CREB3L3: variants seen among roughly 807,000 people sequenced by gnomAD.
CREB3L3 encodes the protein cAMP responsive element binding protein 3 like 3.
Under a neutral mutation model 44.6 loss-of-function variants are expected in CREB3L3, and 40 were observed. That is an observed-to-expected ratio of 0.90 (90% confidence interval 0.70 to 1.17). The LOEUF (loss-of-function observed/expected upper bound fraction) is 1.17. Ranked by LOEUF, CREB3L3 falls within the 50% of genes most tolerant of loss-of-function variation. The pLI is 0.00. For missense variants in CREB3L3, 578 were observed against 595.8 expected (o/e 0.97, Z 0.31); for synonymous variants, 273 against 256.3 (o/e 1.06, Z -0.62).
At chr19:4,168,552 C>A in intron 6 of CREB3L3, 95 bp downstream of exon 6, 2 of 956,442 alleles carry the variant, frequency 2.1e-6, no homozygotes, top group Non-Finnish European at 3.2e-6. Context: ...TAGAGTCTGA[C>A]AAAATTGGAG....
At chr19:4,157,517 C>T (rs1210990464) in intron 3 of CREB3L3, among the ~76,000 whole-genome samples, 2 of 152,154 alleles carry the variant, frequency 1.3e-5, no homozygotes, top group Non-Finnish European at 2.9e-5. Flanking sequence ...GATCGTGAAA[C>T]AGTCCTGTCA....
rs377091018 is a variant in CREB3L3 at position 4,164,598 on chromosome 19, T to C, written c.672T>C (p.Ala224=). 1.2e-6 allele frequency: 2 copies of C among 1,614,000 alleles called. No homozygotes were observed. The highest frequency in any genetic ancestry group is 2.7e-5 in the African/African-American group (2 of 74,922). ...CCGAGGATGAGAAGAAGCTGCTGGC[T>C]AAAGAAGGCATCACCCTGCCCACTC... ...VLTEDEKKLL[A]KEGITLPTQL... Residue 224 remains alanine, a synonymous_variant, in exon 5 of 10, where the codon GCT becomes GCC. Coordinates refer to ENST00000078445, the MANE Select transcript of CREB3L3 (RefSeq NM_032607.3).
intron 5 of CREB3L3, among the ~76,000 whole-genome samples, chr19:4,167,335 CAAGA>C (rs10525113): frequency 1.7e-4 from 20 of 116,148 alleles, no homozygotes; most frequent in African/African-American, 3.4e-4. Flanking sequence ...AAGAGCGAAA[CAAGA>C]AAGAAAGAAA....
At chr19:4,164,255 G>A (rs2041697425) in intron 4 of CREB3L3, among the ~76,000 whole-genome samples, 1 of 152,004 alleles carries the variant, frequency 6.6e-6, no homozygotes, top group African/African-American at 2.4e-5. Flanking sequence ...TTACAGGCAT[G>A]AGCCACCGCA....
Position 4,159,790 on chromosome 19 carries a change from C to A in CREB3L3, c.576+8C>A, listed in dbSNP as rs760221131. On this transcript the variant is annotated splice_region_variant and intron_variant, in intron 4 of 9. Transcript: ENST00000078445. ...GGCAGCAGTGGGGACCTGGTGAGCA[C>A]CCCCACACCCTCCCATGGGGCGTTG... 1 of 1,178,910 alleles carries A rather than the reference C, an allele frequency of 8.5e-7. No homozygotes were observed. Among genetic ancestry groups the A allele is most frequent in the Non-Finnish European group, 1.3e-6 (1 of 782,520 alleles). The allele number at this position is 1,178,910 out of a possible 1,614,324, so 73.0% of individuals were successfully genotyped here. A position where few individuals can be genotyped will look rare whatever the true frequency, so the allele number is the denominator to read the frequency against.
intron 5 of CREB3L3, among the ~76,000 whole-genome samples, chr19:4,165,174 C>CTT (rs377031237): frequency 0.016 from 2,295 of 143,736 alleles, 56 homozygotes; most frequent in African/African-American, 0.055. Flanking sequence ...GTGCAGCAAA[C>CTT]TTTTTTTTTT....
intron 4 of CREB3L3, among the ~76,000 whole-genome samples, chr19:4,160,661 T>C (rs2041647676): frequency 6.6e-6 from 1 of 152,020 alleles, no homozygotes; most frequent in South Asian, 2.1e-4. Flanking sequence ...GTTCAAGTGA[T>C]TCTCCTGCCT....
At chr19:4,159,810 G>A (rs1286543400) in intron 4 of CREB3L3, 28 bp downstream of exon 4, 2 of 992,102 alleles carry the variant, frequency 2.0e-6, no homozygotes, top group African/African-American at 1.6e-5. Flanking sequence ...CTCCCATGGG[G>A]CGTTGGAGCT....
In CREB3L3 at chr19:4,171,339, A is replaced by G. The variant is rs761600620; in HGVS notation, c.976-44A>G. 85 of 1,252,782 alleles carry G rather than the reference A, an allele frequency of 6.8e-5. No individual in the cohort carries two copies. In the Middle Eastern group the frequency reaches 2.3e-3, roughly 33 times the overall value. 77.6% of individuals were successfully genotyped at this position (1,252,782 alleles called of 1,614,324 possible). On this transcript the variant is annotated intron_variant, in intron 8 of 9. Transcript: ENST00000078445. The surrounding 1 kb of genome is among the most constrained non-coding windows in gnomAD (Gnocchi z 4.9). ...CTGCCTGTGGGATGGAGATGCTTGCAGGGGAGGGGAGGGAGGGGGTGACTC... is the reference window on the plus strand; with the variant it reads ...CTGCCTGTGGGATGGAGATGCTTGCGGGGGAGGGGAGGGAGGGGGTGACTC...
Position 4,170,121 on chromosome 19 carries a change from T to C in CREB3L3, c.822-19T>C, listed in dbSNP as rs1183375086. The C allele has an allele frequency of 3.1e-6, 5 of 1,613,558 alleles. No homozygotes were observed. The highest frequency in any genetic ancestry group is 2.7e-5 in the African/African-American group (2 of 74,920). On this transcript the variant is annotated intron_variant, in intron 6 of 9. Transcript: ENST00000078445. The stretch of plus-strand genomic sequence containing the variant: ...GTGACTGGCATATGCTGAATGTCGA[T>C]GCGTCTTCCTCCTTTCAGGATGTCA...
chr19:4,167,448 AG>A (rs1966936520), intron 5 of CREB3L3, among the ~76,000 whole-genome samples: 1 of 126,356 alleles, frequency 7.9e-6, no homozygotes, highest in Non-Finnish European at 1.7e-5. Flanking sequence ...AAAGAAAGAA[AG>A]GAAGAAAAGA....
At chr19:4,169,280 A>G (rs1361685327) in intron 6 of CREB3L3, among the ~76,000 whole-genome samples, 1 of 151,622 alleles carries the variant, frequency 6.6e-6, no homozygotes, top group Non-Finnish European at 1.5e-5. Flanking sequence ...TCACGAGTTC[A>G]GGAGATCGAG....
chr19:4,169,248 T>G (rs565260851), intron 6 of CREB3L3, among the ~76,000 whole-genome samples: 22 of 151,668 alleles, frequency 1.5e-4, no homozygotes, highest in African/African-American at 4.3e-4. Context: ...TCCCAGCACT[T>G]TGGGAGGCTG....
intron 4 of CREB3L3, among the ~76,000 whole-genome samples, chr19:4,163,733 G>T (rs542740377): frequency 6.6e-6 from 1 of 150,910 alleles, no homozygotes; most frequent in African/African-American, 2.4e-5. Context: ...GGCTAGTCTC[G>T]AACTCCTGAC....
intron 3 of CREB3L3, among the ~76,000 whole-genome samples, chr19:4,159,311 C>T (rs145882278): frequency 0.093 from 14,140 of 152,050 alleles, 879 homozygotes; most frequent in East Asian, 0.25. Context: ...CCACCAGGCC[C>T]GGCTAATTTT....
At chr19:4,164,429 C>A in intron 4 of CREB3L3, 74 bp from the exon 5 acceptor site, 1 of 1,591,824 alleles carries the variant, frequency 6.3e-7, no homozygotes, top group Non-Finnish European at 8.6e-7. Flanking sequence ...TGTTTTCGAT[C>A]TGATACCTCT....
At chr19:4,154,557 T>C (rs1972932783) in intron 1 of CREB3L3, among the ~76,000 whole-genome samples, 1 of 151,838 alleles carries the variant, frequency 6.6e-6, no homozygotes, top group South Asian at 2.1e-4. Flanking sequence ...TTATTTGCAG[T>C]AGGGATAGGG....
chr19:4,162,342 TCAC>T (rs1194781956), intron 4 of CREB3L3, among the ~76,000 whole-genome samples: 1 of 151,912 alleles, frequency 6.6e-6, no homozygotes, highest in Non-Finnish European at 1.5e-5. Context: ...TTTCCCTCTG[TCAC>T]CACAACTGCC....
Position 4,159,706 on chromosome 19 carries a change from C to T in CREB3L3, c.500C>T (p.Ala167Val). 6.3e-7 allele frequency: 1 copy of T among 1,599,652 alleles called. No homozygotes were observed. The highest frequency in any genetic ancestry group is 8.6e-7 in the Non-Finnish European group (1 of 1,166,866). The change falls in exon 4 of 10, where the codon GCT becomes GTT. Residue 167 changes from alanine to valine, a missense_variant. By Grantham distance (64) the Ala-to-Val change is moderately conservative. Transcript: ENST00000078445. Reference protein sequence around the residue: ...PGGRICAEKPADPVDLSPRCN... With the variant: ...PGGRICAEKPVDPVDLSPRCN... Reference sequence around the variant, plus strand: ...GGAAGGATCTGTGCTGAGAAGCCGGCTGATCCGGTGGACCTGTCCCCACGA... The same window carrying T: ...GGAAGGATCTGTGCTGAGAAGCCGGTTGATCCGGTGGACCTGTCCCCACGA...
Sources: gnomAD v4.1 joint callset for allele counts (sites outside exome capture counted in the v4.1 genomes callset) on GRCh38, gnomAD v4.1.1 for gene constraint, Gnocchi (gnomAD v3.1) non-coding constraint, MANE v1.5 for transcripts, NCBI Gene and HGNC (gene_info 2026-07-23, HGNC 2026-07-21) for gene names.